Variants in ATG10 observed in about 807,000 individuals in gnomAD.
The protein encoded by ATG10 is ubiquitin-like-conjugating enzyme ATG10.
Under a neutral mutation model 32.1 loss-of-function variants are expected in ATG10, and 30 were observed. That is an observed-to-expected ratio of 0.94 (90% CI 0.70 to 1.27). ATG10 has a LOEUF of 1.27. Among genes scored for constraint, ATG10 ranks in the 50% most tolerant of loss-of-function variants. The pLI, the probability that ATG10 is intolerant of heterozygous loss-of-function variation, is 0.00. For missense variants in ATG10, 233 were observed against 262.3 expected (o/e 0.89, Z 0.77); for synonymous variants, 87 against 91.5 (o/e 0.95, Z 0.28).
At chr5:82,152,995 A>C (rs1767665331) in intron 3 of ATG10, among the ~76,000 whole-genome samples, 1 of 152,202 alleles carries the variant, frequency 6.6e-6, no homozygotes, top group Non-Finnish European at 1.5e-5. Flanking sequence ...GGAATACGTA[A>C]GTGAATAAGA....
chr5:82,080,468 T>A (rs1437001790), intron 3 of ATG10, among the ~76,000 whole-genome samples: 2 of 152,154 alleles, frequency 1.3e-5, no homozygotes, highest in Non-Finnish European at 2.9e-5. Context: ...ATTGCCTAGG[T>A]TTTCTTCTAG....
chr5:82,198,309 C>A (rs1021005521), intron 5 of ATG10, among the ~76,000 whole-genome samples: 1 of 152,140 alleles, frequency 6.6e-6, no homozygotes, highest in Non-Finnish European at 1.5e-5. Context: ...GGCTGGAGTA[C>A]GGTGACAGGA....
rs1561382514 is a variant in ATG10, at chr5:82,255,418, G to GT, written c.*1361dup. On this transcript the variant is annotated 3_prime_UTR_variant, in exon 8 of 8. Transcript: ENST00000282185. ...AATTTTTTTTTTGGTTGCTTGTTTT[G>GT]TTTTTTGCTTTCATTTGCTAGGAGC... is the stretch of plus-strand genomic sequence containing the variant. 1 of 151,706 alleles carries GT rather than the reference G, an allele frequency of 6.6e-6. No individual in the cohort carries two copies. Among genetic ancestry groups the GT allele is most frequent in the African/African-American group, 2.4e-5 (1 of 41,278 alleles). The allele number at this position is 151,706 out of a possible 1,614,324, so 9.4% of individuals were successfully genotyped here.
intron 2 of ATG10, chr5:81,992,036 A>T (rs1761480312): frequency 6.6e-6 from 1 of 151,876 alleles, no homozygotes; most frequent in Admixed American, 6.6e-5. Context: ...TGTTGTCCAG[A>T]CTGGGGTGCA....
intron 5 of ATG10, among the ~76,000 whole-genome samples, chr5:82,207,128 T>C (rs1745329271): frequency 6.6e-6 from 1 of 152,226 alleles, no homozygotes; most frequent in Admixed American, 6.5e-5. Context: ...TGATCATGTC[T>C]TTTGATGCAT....
At chr5:82,244,781 C>G (rs1746957340) in intron 5 of ATG10, among the ~76,000 whole-genome samples, 1 of 152,116 alleles carries the variant, frequency 6.6e-6, no homozygotes, top group Non-Finnish European at 1.5e-5. Flanking sequence ...GTTCTAAAAC[C>G]AATTCACAGT....
At chr5:82,049,066 A>G (rs1285983914) in intron 2 of ATG10, among the ~76,000 whole-genome samples, 1 of 151,516 alleles carries the variant, frequency 6.6e-6, no homozygotes, top group Admixed American at 6.6e-5. Context: ...CCAAAGGACT[A>G]TAAATCATGC....
chr5:82,048,894 G>A (rs1405306664), intron 2 of ATG10, among the ~76,000 whole-genome samples: 96 of 151,790 alleles, frequency 6.3e-4, no homozygotes, highest in Admixed American at 1.5e-3. Flanking sequence ...AAAGTCAGGA[G>A]ACAACAGGTG....
chr5:82,047,041 A>G (rs1763254934), intron 2 of ATG10, among the ~76,000 whole-genome samples: 1 of 151,908 alleles, frequency 6.6e-6, no homozygotes, highest in Admixed American at 6.6e-5. Context: ...AGCCTTTAAG[A>G]ATAATTCAGT....
intron 5 of ATG10, among the ~76,000 whole-genome samples, chr5:82,201,702 T>C (rs1314160169): frequency 6.6e-6 from 1 of 152,218 alleles, no homozygotes; most frequent in Non-Finnish European, 1.5e-5. Context: ...TTAACTGGGA[T>C]TGTGTTGGAT....
intron 3 of ATG10, among the ~76,000 whole-genome samples, chr5:82,139,381 C>T (rs1379980604): frequency 4.4e-3 from 658 of 149,702 alleles, no homozygotes; most frequent in African/African-American, 0.016. Context: ...GGCCCCCATC[C>T]CATCTAGGAA....
At chr5:82,221,249 G>A (rs1745914721) in intron 5 of ATG10, among the ~76,000 whole-genome samples, 1 of 152,044 alleles carries the variant, frequency 6.6e-6, no homozygotes, top group Non-Finnish European at 1.5e-5. Context: ...GCTGGAAACT[G>A]TTGTTTCCAG....
chr5:81,978,015 A>G (rs1236898781), intron 1 of ATG10, among the ~76,000 whole-genome samples: 1 of 152,158 alleles, frequency 6.6e-6, no homozygotes, highest in Non-Finnish European at 1.5e-5. Flanking sequence ...TTTTAAAGAC[A>G]CTTTGCTCTG....
At chr5:82,089,286 G>A (rs1363154542) in intron 3 of ATG10, among the ~76,000 whole-genome samples, 2 of 151,884 alleles carry the variant, frequency 1.3e-5, no homozygotes, top group Non-Finnish European at 2.9e-5. Context: ...AGGTTGTGGT[G>A]AGCCGATATT....
intron 2 of ATG10, among the ~76,000 whole-genome samples, chr5:82,000,437 A>G (rs929279281): frequency 6.6e-6 from 1 of 152,186 alleles, no homozygotes; most frequent in Non-Finnish European, 1.5e-5. Context: ...CATCACTCCT[A>G]TTGAACATAG....
intron 2 of ATG10, among the ~76,000 whole-genome samples, chr5:82,010,544 A>G (rs760971233): frequency 6.6e-6 from 1 of 152,196 alleles, no homozygotes; most frequent in Non-Finnish European, 1.5e-5. Flanking sequence ...AAGTCGATCC[A>G]TGATAGGATA....
chr5:82,122,284 A>G (rs900391337), intron 3 of ATG10, among the ~76,000 whole-genome samples: 5 of 152,092 alleles, frequency 3.3e-5, no homozygotes, highest in African/African-American at 1.2e-4. Context: ...TATTCAAAAA[A>G]TGATGCTAGG....
intron 3 of ATG10, among the ~76,000 whole-genome samples, chr5:82,121,890 C>A (rs540153473): frequency 6.9e-6 from 1 of 145,868 alleles, no homozygotes; most frequent in East Asian, 2.0e-4. Context: ...ATTTTTGCAT[C>A]GAAGTTAATC....
At chr5:82,186,331 C>G (rs951422168) in intron 5 of ATG10, among the ~76,000 whole-genome samples, 3 of 152,180 alleles carry the variant, frequency 2.0e-5, no homozygotes, top group African/African-American at 7.2e-5. Context: ...ATCTACCTTG[C>G]AGGCTTTTTG....
Sources: allele counts gnomAD v4.1 joint callset (sites outside exome capture counted in the v4.1 genomes callset), GRCh38; gene constraint gnomAD v4.1.1; transcripts MANE v1.5; gene names NCBI Gene and HGNC (gene_info 2026-07-23, HGNC 2026-07-21).